Variants in FRMPD4 observed in about 807,000 individuals in gnomAD.
The protein encoded by FRMPD4 is FERM and PDZ domain-containing protein 4.
In FRMPD4, 22 loss-of-function variants were observed where a neutral mutation model predicts 94.1. That is an observed-to-expected ratio of 0.23 (90% CI 0.17 to 0.33). The LOEUF (loss-of-function observed/expected upper bound fraction) is 0.33, where lower values mean the gene tolerates loss of function less well. Among genes scored for constraint, FRMPD4 ranks in the 10% least tolerant of loss-of-function variants. FRMPD4 has a pLI of 1.00. For missense variants in FRMPD4, 1,111 were observed against 1,339.9 expected (o/e 0.83, Z 2.67); for synonymous variants, 631 against 548.6 (o/e 1.15, Z -2.10).
chrX:12,167,761 G>A (rs964500319), intron 1 of FRMPD4, among the ~76,000 whole-genome samples: 1 of 111,622 alleles, frequency 9.0e-6, no homozygotes, highest in Admixed American at 9.5e-5. Flanking sequence ...ACAGCTATTG[G>A]GATCATGTGC....
intron 1 of FRMPD4, among the ~76,000 whole-genome samples, chrX:12,418,654 G>A (rs2056843890): frequency 9.1e-6 from 1 of 109,949 alleles, no homozygotes; most frequent in African/African-American, 3.3e-5. Context: ...CACCGCACCT[G>A]GCCACATCCA....
intron 3 of FRMPD4, among the ~76,000 whole-genome samples, chrX:12,102,376 G>A (rs2055263281): frequency 9.0e-6 from 1 of 111,679 alleles, no homozygotes; most frequent in African/African-American, 3.3e-5. Flanking sequence ...CTTGTGATTT[G>A]TGTGCATGTG....
chrX:12,021,262 G>A (rs1368293066), intron 3 of FRMPD4, among the ~76,000 whole-genome samples: 1 of 111,241 alleles, frequency 9.0e-6, no homozygotes, highest in Non-Finnish European at 1.9e-5. Flanking sequence ...TTTCCCAAAT[G>A]AGAAGTGTTA....
At position 12,717,964 on chromosome X, in the gene FRMPD4, A is replaced by G. The variant is rs764706518; in HGVS notation, c.3138A>G (p.Gly1046=). The G allele has an allele frequency of 9.1e-6, 11 of 1,210,130 alleles. No individual in the cohort carries two copies. The highest frequency in any genetic ancestry group is 1.7e-5 in the African/African-American group (1 of 57,325). ...CACCCCCTAATGGGAACACAACAGG[A>G]AAAAAACAGCAGGGGACCAAAACGG... ...GKAPPNGNTT[G]KKQQGTKTAE... is the part of the protein sequence containing the mutation. Residue 1046 remains glycine (G), a synonymous_variant, in exon 16 of 17, where the codon GGA becomes GGG. Transcript: ENST00000675598.
rs2042126605 is a variant in FRMPD4, at chrX:12,717,889, C to T, written c.3063C>T (p.Tyr1021=). The T allele has an allele frequency of 2.5e-6, 3 of 1,210,340 alleles. No individual in the cohort carries two copies. The highest frequency in any genetic ancestry group is 3.0e-5 in the East Asian group (1 of 33,780). ...FSKLHMGSVA[Y]SCTSKRKSKL... ...AACTGCACATGGGGTCGGTGGCATACTCCTGCACTAGCAAAAGGAAAAGCA... is the reference window on the plus strand; with the variant it reads ...AACTGCACATGGGGTCGGTGGCATATTCCTGCACTAGCAAAAGGAAAAGCA... The change falls in exon 16 of 17, where the codon TAC becomes TAT. Residue 1021 remains tyrosine, a synonymous_variant. Transcript: ENST00000675598.
chrX:11,861,810 A>G (rs143097328), intron 1 of FRMPD4, among the ~76,000 whole-genome samples: 1,451 of 111,577 alleles, frequency 0.013, 6 homozygotes, highest in South Asian at 0.021. Flanking sequence ...TGTTTGTATT[A>G]GTCTGTTCTT....
intron 1 of FRMPD4, among the ~76,000 whole-genome samples, chrX:12,292,534 G>A (rs982471646): frequency 2.7e-5 from 3 of 110,613 alleles, no homozygotes; most frequent in African/African-American, 9.9e-5. Context: ...GTATTTATGT[G>A]TTCATTATTT....
intron 1 of FRMPD4, among the ~76,000 whole-genome samples, chrX:12,448,248 T>G (rs6639181): frequency 0.4 from 44,382 of 110,861 alleles, 6,884 homozygotes; most frequent in South Asian, 0.62. Flanking sequence ...TTGTTAGAAT[T>G]TTGTCCTTTT....
intron 1 of FRMPD4, among the ~76,000 whole-genome samples, chrX:11,836,427 T>A (rs772325503): frequency 8.9e-6 from 1 of 111,754 alleles, no homozygotes; most frequent in East Asian, 2.8e-4. Context: ...GCAACTACTA[T>A]GTACCAGACA....
intron 1 of FRMPD4, among the ~76,000 whole-genome samples, chrX:12,331,945 TA>T (rs1383586443): frequency 2.3e-5 from 1 of 42,959 alleles, no homozygotes; most frequent in Non-Finnish European, 3.8e-5. Context: ...ATAAATTATA[TA>T]TATTTATATA....
chrX:11,877,837 G>A (rs1400740942), intron 2 of FRMPD4, among the ~76,000 whole-genome samples: 2 of 111,377 alleles, frequency 1.8e-5, no homozygotes, highest in Non-Finnish European at 3.8e-5. Flanking sequence ...CAGTTGTTAT[G>A]ATACAATCAT....
chrX:12,123,123 C>CTTTTTTTTTTTTTTTT (rs58251577), intron 3 of FRMPD4, among the ~76,000 whole-genome samples: 14 of 84,305 alleles, frequency 1.7e-4, no homozygotes, highest in Admixed American at 2.8e-4. Flanking sequence ...ATTTTCTTTT[C>CTTTTTTTTTTTTTTTT]TTTTTTTTTT....
chrX:11,848,066 AG>A lies in FRMPD4; in HGVS notation c.-160-17019del, dbSNP rs1286481993. Among the ~76,000 whole-genome samples the A allele has an allele frequency of 2.7e-5, 3 of 110,832 alleles. No homozygotes were observed. The Admixed American group carries it at 2.9e-4, about 11-fold the overall frequency. On this transcript the variant is annotated intron_variant, in intron 1 of 18. Transcript: ENST00000640291. Reference sequence around the variant, plus strand: ...AAAAAATAAAAAATAAATAAAAAAAAGAAAAATAATATGATTAGGAGAAAGA... The same window carrying A: ...AAAAAATAAAAAATAAATAAAAAAAAAAAAATAATATGATTAGGAGAAAGA...
chrX:12,478,301 G>A (rs183780374), intron 1 of FRMPD4, among the ~76,000 whole-genome samples: 9 of 111,790 alleles, frequency 8.1e-5, no homozygotes, highest in African/African-American at 1.6e-4. Context: ...TAGGCCGGGC[G>A]TGGTGGCTCA....
chrX:12,541,662 C>T (rs1426680085), intron 2 of FRMPD4, among the ~76,000 whole-genome samples: 4 of 111,837 alleles, frequency 3.6e-5, no homozygotes, highest in Non-Finnish European at 7.5e-5. Flanking sequence ...ACCAGAGGTA[C>T]AAGAAGGAGC....
chrX:12,028,241 C>A (rs894331018), intron 3 of FRMPD4, among the ~76,000 whole-genome samples: 2 of 112,021 alleles, frequency 1.8e-5, no homozygotes, highest in African/African-American at 6.5e-5. Context: ...TCTTCAAAAC[C>A]AGCAGGAGAA....
At chrX:12,137,941 C>T (rs1408753718), upstream of FRMPD4, among the ~76,000 whole-genome samples, 1 of 112,037 alleles carries the variant, frequency 8.9e-6, no homozygotes, top group Non-Finnish European at 1.9e-5. Context: ...TAGAATTAGC[C>T]TCCGCATCAC....
At chrX:12,439,182 A>G (rs1364302876) in intron 1 of FRMPD4, among the ~76,000 whole-genome samples, 1 of 111,472 alleles carries the variant, frequency 9.0e-6, no homozygotes. Flanking sequence ...ATTCCTGTCC[A>G]GTAACCCAGT....
At position 12,332,131 on chromosome X, in the gene FRMPD4, A is replaced by T. The variant is rs5935301; in HGVS notation, c.42-166549A>T. Among the ~76,000 whole-genome samples the T allele has an allele frequency of 4.3e-5, 3 of 69,918 alleles. No homozygotes were observed. The East Asian group carries it at 1.3e-3, about 29-fold the overall frequency. 60.7% of individuals were successfully genotyped at this position (69,918 alleles called of 115,157 possible). A position where few individuals can be genotyped will look rare whatever the true frequency, so the allele number is the denominator to read the frequency against. On this transcript the variant is annotated intron_variant, in intron 1 of 16. Transcript: ENST00000675598. ...ATTATATATAATTTATATTTTATAT[A>T]TTATATATAATTTATATTTTATATA...
Sources: allele counts gnomAD v4.1 joint callset (sites outside exome capture counted in the v4.1 genomes callset), GRCh38; gene constraint gnomAD v4.1.1; transcripts MANE v1.5; gene names NCBI Gene and HGNC (gene_info 2026-07-23, HGNC 2026-07-21).